Variants in TMEM178B observed in about 807,000 individuals in gnomAD.
TMEM178B encodes the protein transmembrane protein 178B.
Under a neutral mutation model 31.0 loss-of-function variants are expected in TMEM178B, and 5 were observed. That is an observed-to-expected ratio of 0.16 (90% CI 0.08 to 0.34). The LOEUF is 0.34. Ranked by LOEUF, TMEM178B falls within the 10% of genes least tolerant of loss-of-function variation. The pLI is 1.00. For synonymous variants in TMEM178B, 164 were observed against 164.0 expected (o/e 1.00, Z 0.00); for missense variants, 275 against 400.3 (o/e 0.69, Z 2.67).
intron 3 of TMEM178B, among the ~76,000 whole-genome samples, chr7:141,452,331 A>G (rs920820901): frequency 6.6e-6 from 1 of 152,204 alleles, no homozygotes; most frequent in Non-Finnish European, 1.5e-5. Flanking sequence ...TATTGAGTAC[A>G]TGCTAAGTGC....
At chr7:141,510,864 C>T in the TMEM178B span, among the ~76,000 whole-genome samples, 3 of 151,998 alleles carry the variant, frequency 2.0e-5, no homozygotes, top group African/African-American at 7.2e-5. Flanking sequence ...TTCAGGAAAC[C>T]CAGCCCAAAG....
the TMEM178B span, among the ~76,000 whole-genome samples, chr7:141,497,446 A>G: frequency 1.3e-3 from 199 of 152,224 alleles, no homozygotes; most frequent in African/African-American, 4.6e-3. Context: ...TTACTTTGTT[A>G]CCCCCTTTGG....
At chr7:141,510,706 A>G in the TMEM178B span, among the ~76,000 whole-genome samples, 7 of 139,634 alleles carry the variant, frequency 5.0e-5, no homozygotes, top group African/African-American at 1.2e-4. Context: ...AAAAAAAAAA[A>G]AAAAAAGAAA....
At chr7:141,262,077 G>A (rs1183821896) in intron 2 of TMEM178B, among the ~76,000 whole-genome samples, 2 of 152,150 alleles carry the variant, frequency 1.3e-5, no homozygotes, top group Non-Finnish European at 2.9e-5. Flanking sequence ...CACAACAGGA[G>A]TCATCCAAGG....
chr7:141,410,569 C>T (rs1213318280), intron 2 of TMEM178B, among the ~76,000 whole-genome samples: 1 of 150,012 alleles, frequency 6.7e-6, no homozygotes, highest in African/African-American at 2.5e-5. Flanking sequence ...TTTTCTTTCC[C>T]AGGTCAGGGT....
chr7:141,200,006 G>A (rs1002551533), intron 1 of TMEM178B, among the ~76,000 whole-genome samples: 3 of 151,956 alleles, frequency 2.0e-5, no homozygotes, highest in Non-Finnish European at 2.9e-5. Context: ...AGCTGAGATA[G>A]TGTCACTGCA....
chr7:141,145,845 C>A (rs1296719355), intron 1 of TMEM178B, among the ~76,000 whole-genome samples: 1 of 152,172 alleles, frequency 6.6e-6, no homozygotes, highest in Non-Finnish European at 1.5e-5. Flanking sequence ...AATTAGGGCT[C>A]CTGCCCAGTT....
Position 141,459,522 on chromosome 7 carries a change from C to T in TMEM178B, c.635-11014C>T, listed in dbSNP as rs188538332. Among the ~76,000 whole-genome samples, 74 of 152,190 alleles carry T rather than the reference C, an allele frequency of 4.9e-4. 1 individual carries two copies. The highest frequency in any genetic ancestry group is 1.7e-3 in the African/African-American group (69 of 41,506). ...GCAATTAATTGGTAGCTTGCTGTTT[C>T]GGACCATAAAAATTTTAAAGATTCA... On this transcript the variant is annotated intron_variant, in intron 3 of 3. Coordinates refer to ENST00000565468, the MANE Select transcript of TMEM178B (RefSeq NM_001195278.2).
intron 2 of TMEM178B, among the ~76,000 whole-genome samples, chr7:141,305,320 G>A (rs116451085): frequency 7.1e-4 from 108 of 152,310 alleles, no homozygotes; most frequent in African/African-American, 2.6e-3. Context: ...ACTGTTATAA[G>A]TGCTATGTAT....
chr7:141,178,793 C>T (rs918075636), intron 1 of TMEM178B, among the ~76,000 whole-genome samples: 1 of 152,148 alleles, frequency 6.6e-6, no homozygotes, highest in Non-Finnish European at 1.5e-5. Context: ...TGTCAGTTTG[C>T]CGGCTTTTAG....
intron 2 of TMEM178B, among the ~76,000 whole-genome samples, chr7:141,366,687 CT>C (rs1800010895): frequency 6.6e-6 from 1 of 152,118 alleles, no homozygotes; most frequent in African/African-American, 2.4e-5. Context: ...CCATTTCCCT[CT>C]CTACTTTTCT....
intron 2 of TMEM178B, among the ~76,000 whole-genome samples, chr7:141,243,563 A>G (rs773532485): frequency 1.3e-4 from 20 of 152,010 alleles, no homozygotes; most frequent in Non-Finnish European, 2.4e-4. Flanking sequence ...CCTCAGGTTA[A>G]TTTGGGCCAG....
At chr7:141,097,732 C>G (rs1461938182) in intron 1 of TMEM178B, among the ~76,000 whole-genome samples, 2 of 151,250 alleles carry the variant, frequency 1.3e-5, no homozygotes. Flanking sequence ...TCATCATATA[C>G]TTATTTTTCT....
At chr7:141,295,140 T>C (rs1170893458) in intron 2 of TMEM178B, among the ~76,000 whole-genome samples, 1 of 152,178 alleles carries the variant, frequency 6.6e-6, no homozygotes, top group Non-Finnish European at 1.5e-5. Context: ...ATATGACAGA[T>C]GTCTGCACCT....
chr7:141,382,230 G>T (rs978769974), intron 2 of TMEM178B, among the ~76,000 whole-genome samples: 5 of 152,132 alleles, frequency 3.3e-5, no homozygotes, highest in African/African-American at 1.2e-4. Context: ...TTACGCTTAG[G>T]TCAATATCCA....
At chr7:141,266,255 C>T (rs1195857227) in intron 2 of TMEM178B, among the ~76,000 whole-genome samples, 1 of 152,182 alleles carries the variant, frequency 6.6e-6, no homozygotes, top group Non-Finnish European at 1.5e-5. Flanking sequence ...CATTCATCTT[C>T]CAGGTGCCTT....
intron 2 of TMEM178B, among the ~76,000 whole-genome samples, chr7:141,425,780 GTA>G (rs1563179344): frequency 6.6e-6 from 1 of 152,096 alleles, no homozygotes; most frequent in Non-Finnish European, 1.5e-5. Flanking sequence ...GATTTGATTT[GTA>G]TATGTCAGCC....
intron 2 of TMEM178B, among the ~76,000 whole-genome samples, chr7:141,328,674 G>A (rs1370507341): frequency 6.6e-6 from 1 of 152,212 alleles, no homozygotes; most frequent in East Asian, 1.9e-4. Context: ...AGAAGACGTT[G>A]AAGCTGTTGT....
the TMEM178B span, among the ~76,000 whole-genome samples, chr7:141,508,219 G>A: frequency 6.6e-6 from 1 of 152,044 alleles, no homozygotes; most frequent in Admixed American, 6.6e-5. Flanking sequence ...AAATCTCTAG[G>A]GCAGGGGCAA....
Sources: allele counts gnomAD v4.1 joint callset (sites outside exome capture counted in the v4.1 genomes callset), GRCh38; gene constraint gnomAD v4.1.1; transcripts MANE v1.5; gene names NCBI Gene and HGNC (gene_info 2026-07-23, HGNC 2026-07-21).